The following MRPL48 variants were observed in gnomAD, a reference collection of about 807,000 sequenced individuals.
MRPL48 encodes large ribosomal subunit protein mL48.
A neutral mutation model predicts 32.9 loss-of-function variants in MRPL48; 16 were observed. The ratio of observed to expected loss-of-function variants is 0.49; its 90% CI spans 0.33 to 0.74. MRPL48 has a LOEUF of 0.74. MRPL48 is among the 30% of genes least tolerant of loss of function. The pLI is 0.02. For synonymous variants in MRPL48, 94 were observed against 89.2 expected (o/e 1.05, Z -0.31); for missense variants, 206 against 245.3 (o/e 0.84, Z 1.07).
At position 73,846,094 on chromosome 11, in the gene MRPL48, T is replaced by G. The variant is rs1369299967; in HGVS notation, c.371+1118T>G. ...AAAAAAAAAAAAAAAAAAAAAAGAT[T>G]AAAAAAAGCAAACACTGAAACTGTA... On this transcript the variant is annotated intron_variant, in intron 5 of 7. Coordinates refer to ENST00000310614, the MANE Select transcript of MRPL48 (RefSeq NM_016055.6). Among the ~76,000 whole-genome samples the G allele has an allele frequency of 3.1e-4, 45 of 146,726 alleles. 1 individual carries two copies. Among genetic ancestry groups the G allele is most frequent in the Non-Finnish European group, 1.7e-4 (11 of 66,620 alleles).
chr11:73,815,980 C>T (rs1010550170), intron 3 of MRPL48, among the ~76,000 whole-genome samples: 1 of 152,020 alleles, frequency 6.6e-6, no homozygotes, highest in East Asian at 1.9e-4. Context: ...CCTGCCTTGG[C>T]CTCTCAAAGT....
At chr11:73,828,264 G>A (rs990335516) in intron 4 of MRPL48, among the ~76,000 whole-genome samples, 11 of 145,772 alleles carry the variant, frequency 7.5e-5, no homozygotes, top group Non-Finnish European at 1.0e-4. Flanking sequence ...TCTCTCTGCC[G>A]CACAGGCTGG....
rs201665451 is a variant in MRPL48, at chr11:73,813,063, AT to A, written c.112+4721del. On this transcript the variant is annotated intron_variant, in intron 3 of 7. Coordinates refer to ENST00000310614, the MANE Select transcript of MRPL48 (RefSeq NM_016055.6). ...ACTGCACCTGGCCTAAAAAAATAAT[AT>A]TTTTTTTGTTAGTGAAAATTATGTC... 9.3e-3 allele frequency among the ~76,000 whole-genome samples: 1,408 copies of A among 150,842 alleles called. 18 individuals carry two copies. The highest frequency in any genetic ancestry group is 0.034 in the Middle Eastern group (10 of 294).
At chr11:73,834,679 G>A (rs1280051492) in intron 4 of MRPL48, among the ~76,000 whole-genome samples, 4 of 151,052 alleles carry the variant, frequency 2.6e-5, no homozygotes, top group Admixed American at 6.6e-5. Flanking sequence ...GACTACAGGC[G>A]TGTGCCACCA....
intron 3 of MRPL48, among the ~76,000 whole-genome samples, chr11:73,814,674 G>A (rs971995797): frequency 2.0e-5 from 3 of 149,538 alleles, no homozygotes; most frequent in African/African-American, 2.5e-5. Context: ...AAGCCTAGGC[G>A]ACAAGAGTGA....
At chr11:73,848,212 A>G (rs1948330469) in intron 5 of MRPL48, among the ~76,000 whole-genome samples, 1 of 151,962 alleles carries the variant, frequency 6.6e-6, no homozygotes, top group African/African-American at 2.4e-5. Flanking sequence ...AGTTGTTTCC[A>G]GCACCATTTG....
rs1195806357 is a variant in MRPL48 at position 73,864,330 on chromosome 11, C to T, written c.599C>T (p.Ala200Val). Reference sequence around the variant, plus strand: ...GAAGACTTCAAGGGACGATTCAAAGCTCGACCAGAACTGGAAGAACTGTTG... The same window carrying T: ...GAAGACTTCAAGGGACGATTCAAAGTTCGACCAGAACTGGAAGAACTGTTG... ...TEEDFKGRFK[A>V]RPELEELLAK... Residue 200 changes from alanine to valine, a missense_variant, in exon 8 of 8, where the codon GCT becomes GTT. Ala to Val is a moderately conservative substitution (Grantham distance 64, BLOSUM62 0). Coordinates refer to ENST00000310614, the MANE Select transcript of MRPL48 (RefSeq NM_016055.6). 6.2e-7 allele frequency: 1 copy of T among 1,613,790 alleles called. No individual in the cohort carries two copies. The highest frequency in any genetic ancestry group is 8.5e-7 in the Non-Finnish European group (1 of 1,179,882).
intron 4 of MRPL48, among the ~76,000 whole-genome samples, chr11:73,841,044 T>C (rs543840198): frequency 7.6e-4 from 116 of 152,264 alleles, no homozygotes; most frequent in African/African-American, 2.6e-3. Context: ...TCAGGCTCAA[T>C]AGATATAAAG....
At chr11:73,804,080 T>C (rs1947403624) in intron 1 of MRPL48, among the ~76,000 whole-genome samples, 1 of 147,146 alleles carries the variant, frequency 6.8e-6, no homozygotes, top group Non-Finnish European at 1.5e-5. Flanking sequence ...CCACCATGCC[T>C]GGTTAATTTT....
At chr11:73,813,868 C>T (rs1947611697) in intron 3 of MRPL48, among the ~76,000 whole-genome samples, 1 of 151,560 alleles carries the variant, frequency 6.6e-6, no homozygotes, top group Admixed American at 6.6e-5. Flanking sequence ...GGTGAAACCC[C>T]GTCTCTACTA....
At chr11:73,846,693 G>GTC (rs1031342184) in intron 5 of MRPL48, among the ~76,000 whole-genome samples, 3 of 149,140 alleles carry the variant, frequency 2.0e-5, no homozygotes, top group Admixed American at 1.3e-4. Context: ...TAGAGACATG[G>GTC]TCTCTCTCTC....
At chr11:73,861,004 A>C (rs1948577026) in intron 6 of MRPL48, among the ~76,000 whole-genome samples, 1 of 152,152 alleles carries the variant, frequency 6.6e-6, no homozygotes. Flanking sequence ...TAATGTTTTC[A>C]AGGTTCATCT....
intron 3 of MRPL48, among the ~76,000 whole-genome samples, chr11:73,816,346 C>T (rs1311016292): frequency 6.6e-6 from 1 of 151,898 alleles, no homozygotes; most frequent in African/African-American, 2.4e-5. Context: ...AGGCGTGAGC[C>T]ACCGTGCCCG....
At chr11:73,805,004 C>G in intron 1 of MRPL48, 23 bp from the exon 2 acceptor site, 1 of 1,578,364 alleles carries the variant, frequency 6.3e-7, no homozygotes, top group Non-Finnish European at 8.6e-7. Flanking sequence ...TAAGATTGTC[C>G]TAACATGGCT....
At chr11:73,824,707 A>AT (rs894216086) in intron 3 of MRPL48, among the ~76,000 whole-genome samples, 13 of 151,460 alleles carry the variant, frequency 8.6e-5, no homozygotes, top group East Asian at 1.9e-4. Context: ...AGGCGAAAGG[A>AT]TTTTTTTTTC....
chr11:73,788,944 C>A (rs919309702), intron 1 of MRPL48, among the ~76,000 whole-genome samples: 1 of 152,152 alleles, frequency 6.6e-6, no homozygotes, highest in African/African-American at 2.4e-5. Flanking sequence ...CTCATTTTAG[C>A]AATTTATATT....
At chr11:73,803,317 GA>G (rs1947390559) in intron 1 of MRPL48, among the ~76,000 whole-genome samples, 1 of 152,010 alleles carries the variant, frequency 6.6e-6, no homozygotes, top group African/African-American at 2.4e-5. Context: ...TTTTGGGAGA[GA>G]CGGGGTTTCA....
chr11:73,825,417 A>G (rs12798393), intron 3 of MRPL48, among the ~76,000 whole-genome samples: 8,313 of 150,894 alleles, frequency 0.055, 255 homozygotes, highest in Middle Eastern at 0.11. Context: ...CTGAGGTGGG[A>G]GGAGCTGCAG....
intron 1 of MRPL48, among the ~76,000 whole-genome samples, chr11:73,793,341 T>G (rs1448237346): frequency 6.6e-6 from 1 of 152,200 alleles, no homozygotes; most frequent in Non-Finnish European, 1.5e-5. Context: ...CTGGGATTAA[T>G]AGGCGTGAGC....
Sources: allele counts gnomAD v4.1 joint callset (sites outside exome capture counted in the v4.1 genomes callset), GRCh38; gene constraint gnomAD v4.1.1; transcripts MANE v1.5; gene names NCBI Gene and HGNC (gene_info 2026-07-23, HGNC 2026-07-21).